The following GAA variants were observed in gnomAD, a reference collection of about 807,000 sequenced individuals.
The protein encoded by GAA is alpha glucosidase.
In GAA, 88 loss-of-function variants were observed where a neutral mutation model predicts 103.9. The ratio of observed to expected loss-of-function variants is 0.85; its 90% CI spans 0.71 to 1.01. The LOEUF (loss-of-function observed/expected upper bound fraction) is 1.01. Ranked by LOEUF, GAA falls within the 50% of genes least tolerant of loss-of-function variation. The pLI, the probability that GAA is intolerant of heterozygous loss-of-function variation, is 0.00. For missense variants in GAA, 1,350 were observed against 1,305.3 expected (o/e 1.03, Z -0.53); for synonymous variants, 572 against 563.1 (o/e 1.02, Z -0.22).
chr17:80,104,537 C>G lies in GAA; in HGVS notation c.-32-18C>G, dbSNP rs771367579. 5 of 1,555,048 alleles carry G rather than the reference C, an allele frequency of 3.2e-6. No individual in the cohort carries two copies. Among genetic ancestry groups the G allele is most frequent in the South Asian group, 2.3e-5 (2 of 85,628 alleles). ...GCCCCTCCCGCCTCCCTGCTGAGCCCGCTTTCTTCTCCCGCAGGCCTGTAG... is the reference window on the plus strand; with the variant it reads ...GCCCCTCCCGCCTCCCTGCTGAGCCGGCTTTCTTCTCCCGCAGGCCTGTAG... On this transcript the variant is annotated intron_variant, in intron 1 of 19. Coordinates refer to ENST00000302262, the MANE Select transcript of GAA (RefSeq NM_000152.5). The surrounding 1 kb of genome is among the most constrained non-coding windows in gnomAD (Gnocchi z 4.0).
chr17:80,112,983 G>T lies in GAA; in HGVS notation c.1996G>T (p.Ala666Ser), dbSNP rs916566117. Residue 666 changes from alanine to serine, a missense_variant, in exon 14 of 20, where the codon GCC becomes TCC. Physicochemically the swap from Ala to Ser is moderately conservative, Grantham distance 99. Coordinates refer to ENST00000302262, the MANE Select transcript of GAA (RefSeq NM_000152.5). ...GTGTGTGCGCTGGACCCAGCTGGGGGCCTTCTACCCCTTCATGCGGAACCA... is the reference window on the plus strand; with the variant it reads ...GTGTGTGCGCTGGACCCAGCTGGGGTCCTTCTACCCCTTCATGCGGAACCA... ...ELCVRWTQLGAFYPFMRNHNS... is the reference protein window; with the variant it reads ...ELCVRWTQLGSFYPFMRNHNS... The T allele has an allele frequency of 3.7e-6, 6 of 1,610,812 alleles. No individual in the cohort carries two copies. Among genetic ancestry groups the T allele is most frequent in the East Asian group, 2.2e-5 (1 of 44,842 alleles).
In GAA at chr17:80,101,899, C is replaced by T. The variant is rs2038960070; in HGVS notation, c.-33+9C>T. On this transcript the variant is annotated intron_variant, in intron 1 of 19. Transcript: ENST00000302262. ...ACTGAGGCACGGAGCGGGTGAGACA[C>T]CTGACGTCTGCCCCGCGCTGCCGGC... 1 of 152,296 alleles carries T rather than the reference C, an allele frequency of 6.6e-6. No individual in the cohort carries two copies. The highest frequency in any genetic ancestry group is 6.5e-5 in the Admixed American group (1 of 15,288). 9.4% of individuals were successfully genotyped at this position (152,296 alleles called of 1,614,324 possible). A position where few individuals can be genotyped will look rare whatever the true frequency, so the allele number is the denominator to read the frequency against.
Position 80,108,815 on chromosome 17 carries a change from A to T in GAA, c.1313A>T (p.Tyr438Phe). The T allele has an allele frequency of 1.3e-6, 2 of 1,596,364 alleles. No individual in the cohort carries two copies. The highest frequency in any genetic ancestry group is 4.6e-5 in the East Asian group (2 of 43,930). The stretch of plus-strand genomic sequence containing the variant: ...GAGCTGCACCAGGGCGGCCGGCGCT[A>T]CATGATGATCGTGGTGTGTGCCCCC... ...VQELHQGGRR[Y>F]MMIVDPAISS... Residue 438 changes from tyrosine (Y) to phenylalanine (F), a missense_variant, in exon 8 of 20, where the codon TAC becomes TTC. Physicochemically the swap from Tyr to Phe is conservative, Grantham distance 22 (BLOSUM62 3). Coordinates refer to ENST00000302262, the MANE Select transcript of GAA (RefSeq NM_000152.5).
intron 5 of GAA, among the ~76,000 whole-genome samples, 182 bp from the exon 6 acceptor site, chr17:80,108,108 A>G (rs1365067302): frequency 6.6e-6 from 1 of 152,148 alleles, no homozygotes; most frequent in Non-Finnish European, 1.5e-5. Context: ...CTGGCACCAC[A>G]TATCTTTCCG....
In GAA at chr17:80,108,355, A is replaced by G. The variant is rs768897329; in HGVS notation, c.1021A>G (p.Ile341Val). ...RSTGGILDVY[I>V]FLGPEPKSVV... is the part of the protein sequence containing the mutation. The stretch of plus-strand genomic sequence containing the variant: ...GACAGGTGGGATCCTGGATGTCTAC[A>G]TCTTCCTGGGCCCAGAGCCCAAGAG... The change falls in exon 6 of 20, where the codon ATC (isoleucine) becomes GTC (valine). Residue 341 changes from isoleucine to valine, a missense_variant. Ile to Val is a conservative substitution (Grantham distance 29). Transcript: ENST00000302262. 2 of 1,613,582 alleles carry G rather than the reference A, an allele frequency of 1.2e-6. No individual in the cohort carries two copies. The highest frequency in any genetic ancestry group is 4.5e-5 in the East Asian group (2 of 44,872).
At position 80,112,122 on chromosome 17, in the gene GAA, A is replaced by C. The variant is rs2143884303; in HGVS notation, c.1754+22A>C. The C allele has an allele frequency of 6.3e-7, 1 of 1,598,726 alleles. No homozygotes were observed. On this transcript the variant is annotated intron_variant, in intron 12 of 19. Coordinates refer to ENST00000302262, the MANE Select transcript of GAA (RefSeq NM_000152.5). ...ACAGGTGAGGGCCACGTCCCGCCCC[A>C]CTGGGCTCTGCCCTCACAGCCTGTC...
At chr17:80,117,574 A>G (rs1269236154) in intron 16 of GAA, 26 bp from the exon 17 acceptor site, 1 of 1,612,556 alleles carries the variant, frequency 6.2e-7, no homozygotes, top group Non-Finnish European at 8.5e-7. Flanking sequence ...ACGGCCCAGA[A>G]TCCTCAAAGC....
intron 9 of GAA, 41 bp downstream of exon 9, chr17:80,110,096 G>A: frequency 6.6e-7 from 1 of 1,526,696 alleles, no homozygotes; most frequent in South Asian, 1.1e-5. Flanking sequence ...GAAAGCAGAG[G>A]CCTCCAGCCA....
intron 11 of GAA, 87 bp downstream of exon 11, chr17:80,111,112 G>C (rs1598582311): frequency 1.6e-6 from 2 of 1,265,556 alleles, no homozygotes; most frequent in Non-Finnish European, 2.2e-6. Context: ...CCTCATCTCT[G>C]AGAAGCAGAT....
At chr17:80,109,566 C>G (rs1014835440) in intron 8 of GAA, among the ~76,000 whole-genome samples, 2 of 152,266 alleles carry the variant, frequency 1.3e-5, no homozygotes, top group African/African-American at 4.8e-5. Flanking sequence ...GTTTCCATCC[C>G]TGCCTTCTGC....
rs2039212425 is a variant in GAA, at chr17:80,110,724, C to G, written c.1438-3C>G. ...CTCCCCACTGCAGCCTCTCGTTGTC[C>G]AGGTATGGCCCGGGTCCACTGCCTT... On this transcript the variant is annotated splice_polypyrimidine_tract_variant and splice_region_variant and intron_variant, in intron 9 of 19. Coordinates refer to ENST00000302262, the MANE Select transcript of GAA (RefSeq NM_000152.5). The G allele has an allele frequency of 6.2e-7, 1 of 1,613,396 alleles. No individual in the cohort carries two copies. The highest frequency in any genetic ancestry group is 1.3e-5 in the African/African-American group (1 of 74,928).
intron 15 of GAA, among the ~76,000 whole-genome samples, chr17:80,114,943 T>C (rs2039329103): frequency 6.6e-6 from 1 of 152,240 alleles, no homozygotes; most frequent in South Asian, 2.1e-4. Flanking sequence ...CTGAACACTT[T>C]GAACTTGTCA....
rs1003139994 is a variant in GAA at position 80,104,377 on chromosome 17, C to T, written c.-32-178C>T. ...ACTCCCCTGCTGGAGCTTTTCTCGC[C>T]CTTCCTTCTGGCCCTCTCCCCAGTC... On this transcript the variant is annotated intron_variant, in intron 1 of 19. Transcript: ENST00000302262. The surrounding 1 kb of genome is among the most constrained non-coding windows in gnomAD (Gnocchi z 4.0). 3.9e-5 allele frequency among the ~76,000 whole-genome samples: 6 copies of T among 152,164 alleles called. No homozygotes were observed. The highest frequency in any genetic ancestry group is 7.2e-5 in the African/African-American group (3 of 41,432).
In GAA at chr17:80,107,718, C is replaced by G. The variant is rs764622267; in HGVS notation, c.854C>G (p.Pro285Arg). 2 of 1,519,678 alleles carry G rather than the reference C, an allele frequency of 1.3e-6. No homozygotes were observed. Among genetic ancestry groups the G allele is most frequent in the Non-Finnish European group, 1.8e-6 (2 of 1,120,816 alleles). The allele number at this position is 1,519,678 out of a possible 1,614,324, so 94.1% of individuals were successfully genotyped here. The change falls in exon 4 of 20, where the codon CCC (proline) becomes CGC (arginine). Residue 285 changes from proline to arginine, a missense_variant. Coordinates refer to ENST00000302262, the MANE Select transcript of GAA (RefSeq NM_000152.5). ...RITLWNRDLAPTPGANLYGSH... is the reference protein window; with the variant it reads ...RITLWNRDLARTPGANLYGSH... Reference sequence around the variant, plus strand: ...ACCCTGTGGAACCGGGACCTTGCGCCCACGGTACAGCGGCGGGCGGCGGGC... The same window carrying G: ...ACCCTGTGGAACCGGGACCTTGCGCGCACGGTACAGCGGCGGGCGGCGGGC...
At chr17:80,113,885 G>A (rs1469065992) in intron 15 of GAA, among the ~76,000 whole-genome samples, 1 of 150,662 alleles carries the variant, frequency 6.6e-6, no homozygotes, top group Non-Finnish European at 1.5e-5. Flanking sequence ...GTGCATGGTG[G>A]TGGGCGCCTG....
chr17:80,114,926 C>T (rs556429762), intron 15 of GAA, among the ~76,000 whole-genome samples: 2 of 152,192 alleles, frequency 1.3e-5, no homozygotes, highest in Non-Finnish European at 2.9e-5. Context: ...GACTGGCGGT[C>T]GTTTCTCTGA....
chr17:80,109,200 G>A (rs193274398), intron 8 of GAA, among the ~76,000 whole-genome samples: 42 of 152,324 alleles, frequency 2.8e-4, no homozygotes, highest in African/African-American at 8.9e-4. Context: ...CCTTCTGGCC[G>A]TGCCTCTCCT....
In GAA at chr17:80,104,618, G is replaced by A. The variant is rs138812846; in HGVS notation, c.32G>A (p.Arg11Gln). The change falls in exon 2 of 20, where the codon CGG becomes CAG. Residue 11 changes from arginine (R) to glutamine (Q), a missense_variant. By Grantham distance (43) the Arg-to-Gln change is conservative (BLOSUM62 1). Transcript: ENST00000302262. The surrounding 1 kb of genome is among the most constrained non-coding windows in gnomAD (Gnocchi z 4.0). ...GTGAGGCACCCGCCCTGCTCCCACC[G>A]GCTCCTGGCCGTCTGCGCCCTCGTG... is the stretch of plus-strand genomic sequence containing the variant. Reference protein sequence around the residue: MGVRHPPCSHRLLAVCALVSL... With the variant: MGVRHPPCSHQLLAVCALVSL... 9.4e-5 allele frequency: 152 copies of A among 1,612,758 alleles called. No homozygotes were observed. The African/African-American group carries it at 1.3e-3, about 14-fold the overall frequency.
intron 15 of GAA, among the ~76,000 whole-genome samples, chr17:80,113,943 GGGA>G (rs2039307144): frequency 6.6e-6 from 1 of 151,866 alleles, no homozygotes; most frequent in Non-Finnish European, 1.5e-5. Flanking sequence ...CCTTGAACCT[GGGA>G]GGAGGAGATT....
Sources: allele counts gnomAD v4.1 joint callset (sites outside exome capture counted in the v4.1 genomes callset), GRCh38; gene constraint gnomAD v4.1.1; non-coding constraint Gnocchi (gnomAD v3.1); transcripts MANE v1.5; gene names NCBI Gene and HGNC (gene_info 2026-07-23, HGNC 2026-07-21).